Variants in PCDH15 observed in about 807,000 individuals in gnomAD.
The protein encoded by PCDH15 is protocadherin related 15.
In PCDH15, 129 loss-of-function variants were observed where a neutral mutation model predicts 178.5. The observed-to-expected ratio is 0.72, with a 90% CI of 0.63 to 0.84. PCDH15 has a LOEUF of 0.84. Ranked by LOEUF, PCDH15 falls within the 40% of genes least tolerant of loss-of-function variation. The pLI, the probability that PCDH15 is intolerant of heterozygous loss-of-function variation, is 0.00. For missense variants in PCDH15, 2,230 were observed against 2,099.9 expected (o/e 1.06, Z -1.21); for synonymous variants, 800 against 732.0 (o/e 1.09, Z -1.50).
At chr10:55,175,783 G>A (rs1349875877) in intron 1 of PCDH15, among the ~76,000 whole-genome samples, 1 of 152,016 alleles carries the variant, frequency 6.6e-6, no homozygotes, top group Non-Finnish European at 1.5e-5. Flanking sequence ...GGACACTCAA[G>A]AAAGAGGAGA....
chr10:54,306,653 T>C (rs1312358911), intron 8 of PCDH15, among the ~76,000 whole-genome samples: 3 of 151,878 alleles, frequency 2.0e-5, no homozygotes, highest in Non-Finnish European at 4.4e-5. Flanking sequence ...ATTTGACAGA[T>C]ATCTGGGTAC....
chr10:55,227,298 A>C, intron 1 of PCDH15, among the ~76,000 whole-genome samples: 1 of 152,158 alleles, frequency 6.6e-6, no homozygotes, highest in Admixed American at 6.5e-5. Context: ...ATGTAAAACC[A>C]AACTATGAAT....
chr10:54,937,118 C>T (rs1837927493), intron 2 of PCDH15, among the ~76,000 whole-genome samples: 1 of 151,966 alleles, frequency 6.6e-6, no homozygotes, highest in Non-Finnish European at 1.5e-5. Context: ...TGAAATCTCG[C>T]AATACTCTTG....
chr10:54,833,414 A>AC (rs1459366918), intron 3 of PCDH15, among the ~76,000 whole-genome samples: 1 of 152,202 alleles, frequency 6.6e-6, no homozygotes, highest in African/African-American at 2.4e-5. Flanking sequence ...TGGGTGGATC[A>AC]CCCTCCATGG....
chr10:54,548,798 C>G (rs1320829977), intron 2 of PCDH15, among the ~76,000 whole-genome samples: 1 of 150,988 alleles, frequency 6.6e-6, no homozygotes, highest in Non-Finnish European at 1.5e-5. Flanking sequence ...GGCTGAAGAA[C>G]ATTGTAATTT....
chr10:54,205,729 C>T (rs2050731684), intron 10 of PCDH15, among the ~76,000 whole-genome samples: 1 of 151,954 alleles, frequency 6.6e-6, no homozygotes, highest in Non-Finnish European at 1.5e-5. Context: ...CAGGAGCCTC[C>T]TTTTATTCAA....
At chr10:54,982,190 T>C (rs949753261) in intron 2 of PCDH15, among the ~76,000 whole-genome samples, 2 of 152,254 alleles carry the variant, frequency 1.3e-5, no homozygotes, top group Admixed American at 6.5e-5. Context: ...AGACGTAAAG[T>C]GATGATAATA....
At chr10:54,437,047 C>T (rs958309126) in intron 3 of PCDH15, among the ~76,000 whole-genome samples, 1 of 152,124 alleles carries the variant, frequency 6.6e-6, no homozygotes, top group Non-Finnish European at 1.5e-5. Flanking sequence ...ATAAAGCCTC[C>T]CTTGTCACAC....
intron 1 of PCDH15, among the ~76,000 whole-genome samples, chr10:54,765,043 ATTTG>A (rs1433988411): frequency 6.6e-6 from 1 of 152,182 alleles, no homozygotes; most frequent in Admixed American, 6.5e-5. Flanking sequence ...GACATACAAC[ATTTG>A]TTTGAGGTTG....
chr10:53,840,741 T>G (rs1014336647), intron 28 of PCDH15, among the ~76,000 whole-genome samples: 2 of 152,228 alleles, frequency 1.3e-5, no homozygotes, highest in African/African-American at 4.8e-5. Flanking sequence ...AACTTTAGGC[T>G]TTTTGAATTT....
In PCDH15 at chr10:54,581,120, A is replaced by G. The variant is rs187890049; in HGVS notation, c.92-53243T>C. On this transcript the variant is annotated intron_variant, in intron 2 of 37. Transcript: ENST00000644397. ...GAGCAATCAAAGAAGAGAAAGTAAT[A>G]AAAGACATCCAGATATGAAAAGCAG... 1.3e-3 allele frequency among the ~76,000 whole-genome samples: 194 copies of G among 152,218 alleles called. 3 individuals carry two copies. Among genetic ancestry groups the G allele is most frequent in the Non-Finnish European group, 1.2e-4 (8 of 67,990 alleles).
chr10:54,108,798 G>A (rs150158646), intron 15 of PCDH15, among the ~76,000 whole-genome samples: 42 of 152,256 alleles, frequency 2.8e-4, no homozygotes, highest in Admixed American at 7.8e-4. Flanking sequence ...TGAATACCAG[G>A]TAAGCCACAG....
intron 29 of PCDH15, among the ~76,000 whole-genome samples, chr10:53,835,200 T>G (rs1044151728): frequency 6.6e-6 from 1 of 152,186 alleles, no homozygotes; most frequent in African/African-American, 2.4e-5. Flanking sequence ...AGCCTGTTAA[T>G]CAGATACCGT....
At chr10:54,516,523 A>G (rs1454817831) in intron 3 of PCDH15, among the ~76,000 whole-genome samples, 30 of 152,140 alleles carry the variant, frequency 2.0e-4, no homozygotes, top group Non-Finnish European at 3.7e-4. Flanking sequence ...AAGAATAAAA[A>G]GAAACGAACA....
At chr10:53,835,411 G>A (rs1224246312) in intron 29 of PCDH15, among the ~76,000 whole-genome samples, 1 of 152,042 alleles carries the variant, frequency 6.6e-6, no homozygotes, top group Admixed American at 6.6e-5. Flanking sequence ...GTTCTGTTTT[G>A]TGTAGAATGC....
At chr10:55,134,187 G>T (rs1324931690) in intron 2 of PCDH15, among the ~76,000 whole-genome samples, 1 of 151,980 alleles carries the variant, frequency 6.6e-6, no homozygotes, top group Non-Finnish European at 1.5e-5. Flanking sequence ...CCAGCTATAG[G>T]GGGAGCCTTG....
At chr10:55,467,279 C>A (rs899704712) in intron 2 of PCDH15, among the ~76,000 whole-genome samples, 1 of 151,520 alleles carries the variant, frequency 6.6e-6, no homozygotes, top group Non-Finnish European at 1.5e-5. Context: ...GTGTTCCTGG[C>A]AGCAAGATTG....
At position 55,022,952 on chromosome 10, in the gene PCDH15, A is replaced by AT. The variant is rs570738976; in HGVS notation, c.-79-125453dup. ...TTTTATTGTATTTATTTATATACAT[A>AT]TTTTTTTGATAAGGAGTCTTGCTCT... On this transcript the variant is annotated intron_variant, in intron 2 of 5. Transcript: ENST00000458638. 1.8e-4 allele frequency among the ~76,000 whole-genome samples: 24 copies of AT among 131,786 alleles called. No individual in the cohort carries two copies. In the South Asian group the frequency reaches 5.3e-3, roughly 29 times the overall value. 86.5% of individuals were successfully genotyped at this position (131,786 alleles called of 152,430 possible).
chr10:54,009,576 C>T (rs1027938578), intron 20 of PCDH15, among the ~76,000 whole-genome samples: 9 of 152,078 alleles, frequency 5.9e-5, no homozygotes, highest in East Asian at 1.9e-4. Context: ...GAAAGGCTGG[C>T]GAGTGGACAC....
Sources: gnomAD v4.1 joint callset for allele counts (sites outside exome capture counted in the v4.1 genomes callset) on GRCh38, gnomAD v4.1.1 for gene constraint, MANE v1.5 for transcripts, NCBI Gene and HGNC (gene_info 2026-07-23, HGNC 2026-07-21) for gene names.